The following MAP3K20 variants were observed in gnomAD, a reference collection of about 807,000 sequenced individuals.
The protein encoded by MAP3K20 is HCCS-4.
A neutral mutation model predicts 85.7 loss-of-function variants in MAP3K20; 40 were observed. The observed-to-expected ratio is 0.47, with a 90% confidence interval of 0.36 to 0.61. The LOEUF is 0.61. Among genes scored for constraint, MAP3K20 ranks in the 20% least tolerant of loss-of-function variants. MAP3K20 has a pLI of 0.00. For missense variants in MAP3K20, 817 were observed against 961.7 expected, an observed-to-expected ratio of 0.85 and a Z score of 1.99; for synonymous variants, 325 against 327.7, an observed-to-expected ratio of 0.99 and a Z score of 0.09.
intron 18 of MAP3K20, among the ~76,000 whole-genome samples, chr2:173,262,067 T>TA (rs1420751798): frequency 6.6e-6 from 1 of 151,684 alleles, no homozygotes; most frequent in Non-Finnish European, 1.5e-5. Context: ...ATTTTGCAGA[T>TA]AGGAAGAATA....
chr2:173,113,087 C>G (rs915802004), intron 2 of MAP3K20, among the ~76,000 whole-genome samples: 1 of 152,046 alleles, frequency 6.6e-6, no homozygotes, highest in Non-Finnish European at 1.5e-5. Context: ...CCATTTCAAT[C>G]TCTCTGCTAG....
chr2:173,075,658 C>G (rs866277006), upstream of MAP3K20: 2 of 909,012 alleles, frequency 2.2e-6, no homozygotes, highest in African/African-American at 3.6e-5. Flanking sequence ...GCCCTCCCCC[C>G]ACAGCAAGGC....
chr2:173,236,266 TAAAAAA>T (rs67764486), intron 14 of MAP3K20, among the ~76,000 whole-genome samples: 8 of 64,704 alleles, frequency 1.2e-4, no homozygotes, highest in East Asian at 5.2e-4. Context: ...AGACCCTGTC[TAAAAAA>T]AAAAAAAAAA....
At chr2:173,181,886 CA>C (rs74938428) in intron 3 of MAP3K20, among the ~76,000 whole-genome samples, 33,908 of 134,616 alleles carry the variant, frequency 0.25, 4,179 homozygotes, top group South Asian at 0.39. Flanking sequence ...TCATCTCTAC[CA>C]AAAAAAAAAA....
intron 2 of MAP3K20, among the ~76,000 whole-genome samples, chr2:173,156,127 A>T (rs1689460309): frequency 6.6e-6 from 1 of 152,144 alleles, no homozygotes; most frequent in South Asian, 2.1e-4. Flanking sequence ...CCACCACACA[A>T]CCTCGAGGAT....
intron 16 of MAP3K20, among the ~76,000 whole-genome samples, chr2:173,257,994 G>A (rs970964620): frequency 2.0e-5 from 3 of 152,046 alleles, no homozygotes; most frequent in African/African-American, 4.8e-5. Context: ...TTTACATAAG[G>A]ATCCTAATTC....
At chr2:173,088,949 A>G (rs536868134) in intron 1 of MAP3K20, among the ~76,000 whole-genome samples, 20 of 152,336 alleles carry the variant, frequency 1.3e-4, no homozygotes, top group South Asian at 2.1e-4. Flanking sequence ...TTAGAGGATG[A>G]ACAAATAACC....
chr2:173,115,303 C>G (rs1253221275), intron 2 of MAP3K20, among the ~76,000 whole-genome samples: 1 of 152,034 alleles, frequency 6.6e-6, no homozygotes, highest in Non-Finnish European at 1.5e-5. Context: ...AATATTTCTC[C>G]CTTCACTTCT....
rs149372133 is a variant in MAP3K20, at chr2:173,129,954, AG to A, written c.159+38765del. 4.9e-3 allele frequency among the ~76,000 whole-genome samples: 739 copies of A among 152,336 alleles called. 3 individuals carry two copies. The highest frequency in any genetic ancestry group is 7.9e-3 in the Non-Finnish European group (539 of 68,012). ...AAAATGAATGCAGATACTCACTATTAGTAAGGACTTGGGAAATCAATACTCT... is the reference window on the plus strand; with the variant it reads ...AAAATGAATGCAGATACTCACTATTATAAGGACTTGGGAAATCAATACTCT... On this transcript the variant is annotated intron_variant, in intron 2 of 19. Coordinates refer to ENST00000375213, the MANE Select transcript of MAP3K20 (RefSeq NM_016653.3).
At chr2:173,166,319 C>T (rs1040268772) in intron 2 of MAP3K20, 1 of 152,196 alleles carries the variant, frequency 6.6e-6, no homozygotes, top group Non-Finnish European at 1.5e-5. Context: ...TATAGCCTCA[C>T]ATTTTATCTG....
chr2:173,220,080 G>GAAAAAAAAAAAAAAAAAAAA (rs76443589), intron 11 of MAP3K20, among the ~76,000 whole-genome samples: 2 of 85,466 alleles, frequency 2.3e-5, no homozygotes, highest in African/African-American at 4.9e-5. Flanking sequence ...AAAAAAAAAG[G>GAAAAAAAAAAAAAAAAAAAA]AAACTGATCC....
chr2:173,182,969 G>C lies in MAP3K20; in HGVS notation c.349+14G>C, dbSNP rs369318214. 6.3e-7 allele frequency: 1 copy of C among 1,584,278 alleles called. No homozygotes were observed. The highest frequency in any genetic ancestry group is 2.3e-5 in the East Asian group (1 of 44,316). Reference sequence around the variant, plus strand: ...ATGTAGCCAAAGGTAATAATATTTGGTATATTCTTATAGAATTAGTGGGGT... The same window carrying C: ...ATGTAGCCAAAGGTAATAATATTTGCTATATTCTTATAGAATTAGTGGGGT... On this transcript the variant is annotated intron_variant, in intron 4 of 19. Coordinates refer to ENST00000375213, the MANE Select transcript of MAP3K20 (RefSeq NM_016653.3).
rs556050753 is a variant in MAP3K20 at position 173,160,458 on chromosome 2, C to T, written c.160-9347C>T. ...TTTAAAAAAAGCCCTGGTTATGATACTCTTGGGGTAAAAATGCACTGAATT... is the reference window on the plus strand; with the variant it reads ...TTTAAAAAAAGCCCTGGTTATGATATTCTTGGGGTAAAAATGCACTGAATT... On this transcript the variant is annotated intron_variant, in intron 2 of 19. Coordinates refer to ENST00000375213, the MANE Select transcript of MAP3K20 (RefSeq NM_016653.3). 2.6e-5 allele frequency: 4 copies of T among 152,206 alleles called. 1 individual carries two copies. In the South Asian group the frequency reaches 6.2e-4, roughly 24 times the overall value. 9.4% of individuals were successfully genotyped at this position (152,206 alleles called of 1,614,324 possible).
At chr2:173,226,387 C>T (rs998817503) in intron 11 of MAP3K20, 3 of 985,190 alleles carry the variant, frequency 3.0e-6, no homozygotes, top group Non-Finnish European at 3.6e-6. Context: ...AGCAGAGTTT[C>T]ATCATACCAC....
In MAP3K20 at chr2:173,263,893, C is replaced by T; in HGVS notation, c.1700C>T (p.Ser567Leu). 6.2e-7 allele frequency: 1 copy of T among 1,605,980 alleles called. No individual in the cohort carries two copies. The highest frequency in any genetic ancestry group is 8.5e-7 in the Non-Finnish European group (1 of 1,177,952). Residue 567 changes from serine to leucine, a missense_variant and splice_region_variant, in exon 19 of 20, where the codon TCA becomes TTA. By Grantham distance (145) the Ser-to-Leu change is moderately radical. Around this residue, in one of 4 missense-constraint regions of MAP3K20, gnomAD observed 454 missense variants for 476.9 expected, o/e 0.95. Transcript: ENST00000375213. Reference protein sequence around the residue: ...SDGNPGSRSDSSADCQWLDTL... With the variant: ...SDGNPGSRSDLSADCQWLDTL... The stretch of plus-strand genomic sequence containing the variant: ...GGCAACCCTGGAAGCAGGTCCGACT[C>T]AAGTAAGTTAGTGTTCCCGTATTAG...
At chr2:173,243,181 A>G (rs1449847224) in intron 16 of MAP3K20, among the ~76,000 whole-genome samples, 3 of 152,208 alleles carry the variant, frequency 2.0e-5, no homozygotes, top group Admixed American at 1.3e-4. Context: ...TATGGTACAT[A>G]CAGAATGATG....
chr2:173,223,836 C>G, intron 11 of MAP3K20: 1 of 985,408 alleles, frequency 1.0e-6, no homozygotes, highest in Non-Finnish European at 1.2e-6. Context: ...AGTCAATGCA[C>G]CCAAGAAGAA....
chr2:173,154,935 G>T (rs937565871), intron 2 of MAP3K20, among the ~76,000 whole-genome samples: 2 of 152,314 alleles, frequency 1.3e-5, no homozygotes, highest in African/African-American at 4.8e-5. Flanking sequence ...ATGGAACGTG[G>T]TGTAAAGTAT....
intron 11 of MAP3K20, chr2:173,222,211 AC>A (rs1574131607): frequency 1.1e-6 from 1 of 893,268 alleles, no homozygotes; most frequent in Non-Finnish European, 1.3e-6. Context: ...GTCTCAAAAA[AC>A]AAAAAAAAGA....
Sources: allele counts gnomAD v4.1 joint callset (sites outside exome capture counted in the v4.1 genomes callset), GRCh38; gene constraint gnomAD v4.1.1; regional missense constraint gnomAD v4.1.1; transcripts MANE v1.5; gene names NCBI Gene and HGNC (gene_info 2026-07-23, HGNC 2026-07-21).